GNAI1: variants seen among roughly 807,000 people sequenced by gnomAD.
The protein encoded by GNAI1 is guanine nucleotide-binding protein G(i) subunit alpha-1.
Under a neutral mutation model 38.9 loss-of-function variants are expected in GNAI1, and 11 were observed. The ratio of observed to expected loss-of-function variants is 0.28; its 90% CI spans 0.18 to 0.47. The LOEUF is 0.47. Among genes scored for constraint, GNAI1 ranks in the 20% least tolerant of loss-of-function variants. The pLI is 0.99. For missense variants in GNAI1, 317 were observed against 436.9 expected (o/e 0.73, Z 2.45); for synonymous variants, 166 against 145.1 (o/e 1.14, Z -1.04).
rs1789018790 is a variant in GNAI1, at chr7:80,218,703, A to T, written c.*1210A>T. 6.6e-6 allele frequency: 1 copy of T among 152,124 alleles called. No individual in the cohort carries two copies. Among genetic ancestry groups the T allele is most frequent in the Non-Finnish European group, 1.5e-5 (1 of 67,998 alleles). The allele number at this position is 152,124 out of a possible 1,614,324, so 9.4% of individuals were successfully genotyped here. A position where few individuals can be genotyped will look rare whatever the true frequency, so the allele number is the denominator to read the frequency against. On this transcript the variant is annotated 3_prime_UTR_variant, in exon 8 of 8. Coordinates refer to ENST00000649796, the MANE Select transcript of GNAI1 (RefSeq NM_002069.6). ...CAAATTTCTCCACTTGCTTGAGATTATATCATTTCTTTTTCAATTATACTA... is the reference window on the plus strand; with the variant it reads ...CAAATTTCTCCACTTGCTTGAGATTTTATCATTTCTTTTTCAATTATACTA...
intron 1 of GNAI1, among the ~76,000 whole-genome samples, chr7:80,162,766 C>A (rs1787946670): frequency 6.6e-6 from 1 of 152,126 alleles, no homozygotes; most frequent in Non-Finnish European, 1.5e-5. Flanking sequence ...TTCAGCCACA[C>A]ACTGGGATTT....
rs1293036197 is a variant in GNAI1 at position 80,143,959 on chromosome 7, TG to T, written c.118+8682del. Among the ~76,000 whole-genome samples, 23 of 152,008 alleles carry T rather than the reference TG, an allele frequency of 1.5e-4. No individual in the cohort carries two copies. In the South Asian group the frequency reaches 4.2e-3, roughly 27 times the overall value. On this transcript the variant is annotated intron_variant, in intron 1 of 7. Coordinates refer to ENST00000649796, the MANE Select transcript of GNAI1 (RefSeq NM_002069.6). ...GTATCTATATGTGTGCATATATGTG[TG>T]TGTGTGTATATATATAGTGAAGACT...
intron 1 of GNAI1, among the ~76,000 whole-genome samples, chr7:80,138,739 C>CAGTA (rs1463405361): frequency 6.6e-6 from 1 of 152,108 alleles, no homozygotes; most frequent in Non-Finnish European, 1.5e-5. Context: ...AAGCTTTGAG[C>CAGTA]AGTATTCTCA....
At chr7:80,167,614 G>A (rs1392885089) in intron 1 of GNAI1, among the ~76,000 whole-genome samples, 5 of 152,096 alleles carry the variant, frequency 3.3e-5, no homozygotes, top group Non-Finnish European at 5.9e-5. Context: ...AATTTATCCC[G>A]TTTTTCAGTA....
chr7:80,190,563 G>T (rs1381359710), intron 3 of GNAI1, among the ~76,000 whole-genome samples: 1 of 152,042 alleles, frequency 6.6e-6, no homozygotes, highest in Non-Finnish European at 1.5e-5. Flanking sequence ...TGAAAATAAT[G>T]TTGAAATCTA....
chr7:80,176,089 A>G (rs1423029696), intron 1 of GNAI1, among the ~76,000 whole-genome samples: 4 of 152,238 alleles, frequency 2.6e-5, no homozygotes, highest in Admixed American at 2.6e-4. Flanking sequence ...TTGTGAATGT[A>G]AAGGAAAAGT....
intron 1 of GNAI1, among the ~76,000 whole-genome samples, chr7:80,153,034 CTTTTATA>C (rs978800334): frequency 2.2e-4 from 33 of 152,166 alleles, no homozygotes; most frequent in African/African-American, 7.0e-4. Flanking sequence ...AGAATGTAGA[CTTTTATA>C]TTTTAGAAAG....
Position 80,223,126 on chromosome 7 carries a change from A to G in GNAI1, c.*5633A>G, listed in dbSNP as rs1307919200. 6.6e-6 allele frequency among the ~76,000 whole-genome samples: 1 copy of G among 152,192 alleles called. No homozygotes were observed. The highest frequency in any genetic ancestry group is 1.9e-4 in the East Asian group (1 of 5,188). ...CCAGTTTCGCACCAATGTAAAGTTGAAAAATTGTTAAGTTGGACCATCATA... is the reference window on the plus strand; with the variant it reads ...CCAGTTTCGCACCAATGTAAAGTTGGAAAATTGTTAAGTTGGACCATCATA... On this transcript the variant is annotated 3_prime_UTR_variant, in exon 8 of 8. Transcript: ENST00000649796.
At position 80,212,760 on chromosome 7, in the gene GNAI1, C is replaced by T; in HGVS notation, c.765C>T (p.Asn255=). The change falls in exon 7 of 8, where the codon AAC becomes AAT. Residue 255 remains asparagine (N), a synonymous_variant. Transcript: ENST00000649796. The stretch of plus-strand genomic sequence containing the variant: ...TGAAATTGTTTGACAGCATATGTAA[C>T]AACAAGTGGTTTACAGATACATCCA... ...ESMKLFDSIC[N]NKWFTDTSII... 1 of 1,563,148 alleles carries T rather than the reference C, an allele frequency of 6.4e-7. No individual in the cohort carries two copies.
At position 80,221,649 on chromosome 7, in the gene GNAI1, T is replaced by A. The variant is rs78663043; in HGVS notation, c.*4156T>A. ...GTTGGAAATTTTCTTTTTTTTTTTT[T>A]TTTTTTTTTTTTGGTATGGAGTCTT... On this transcript the variant is annotated 3_prime_UTR_variant, in exon 8 of 8. Coordinates refer to ENST00000649796, the MANE Select transcript of GNAI1 (RefSeq NM_002069.6). Among the ~76,000 whole-genome samples, 96 of 141,932 alleles carry A rather than the reference T, an allele frequency of 6.8e-4. 1 individual carries two copies. The highest frequency in any genetic ancestry group is 2.0e-3 in the African/African-American group (78 of 38,284). The allele number at this position is 141,932 out of a possible 152,430, so 93.1% of individuals were successfully genotyped here. A position where few individuals can be genotyped will look rare whatever the true frequency, so the allele number is the denominator to read the frequency against.
chr7:80,135,514 C>T (rs529894804), intron 1 of GNAI1: 2 of 400,902 alleles, frequency 5.0e-6, no homozygotes, highest in Admixed American at 4.5e-5. Flanking sequence ...TCACTTCACT[C>T]GGATGCTTTC....
intron 1 of GNAI1, among the ~76,000 whole-genome samples, chr7:80,155,672 T>G (rs760330000): frequency 1.2e-4 from 18 of 152,078 alleles, no homozygotes; most frequent in Non-Finnish European, 2.2e-4. Flanking sequence ...TTTGAAATTT[T>G]AAGTAGCAAT....
chr7:80,192,537 T>C (rs1788499764), intron 3 of GNAI1, among the ~76,000 whole-genome samples: 1 of 152,154 alleles, frequency 6.6e-6, no homozygotes, highest in Non-Finnish European at 1.5e-5. Context: ...CTATTCAACC[T>C]CCCTAAGCTT....
chr7:80,217,414 C>G lies in GNAI1; in HGVS notation c.986C>G (p.Thr329Ser). 1 of 1,608,262 alleles carries G rather than the reference C, an allele frequency of 6.2e-7. No individual in the cohort carries two copies. Among genetic ancestry groups the G allele is most frequent in the Non-Finnish European group, 8.5e-7 (1 of 1,175,554 alleles). The change falls in exon 8 of 8, where the codon ACT becomes AGT. Residue 329 changes from threonine to serine, a missense_variant. Physicochemically the swap from Thr to Ser is moderately conservative, Grantham distance 58. This residue lies in a region of GNAI1 where 15 missense variants were observed against 36.6 expected (regional missense o/e 0.41). Transcript: ENST00000649796. The part of the protein sequence containing the change: ...IYTHFTCATD[T>S]KNVQFVFDAV... Reference sequence around the variant, plus strand: ...ACCCACTTCACATGTGCCACAGATACTAAGAATGTGCAGTTTGTTTTTGAT... The same window carrying G: ...ACCCACTTCACATGTGCCACAGATAGTAAGAATGTGCAGTTTGTTTTTGAT...
chr7:80,199,375 G>A lies in GNAI1; in HGVS notation c.454G>A (p.Ala152Thr). ...CCGAGAGTACCAGCTTAATGATTCTGCAGCATAGTAAGTAATCATAACTTC... is the reference window on the plus strand; with the variant it reads ...CCGAGAGTACCAGCTTAATGATTCTACAGCATAGTAAGTAATCATAACTTC... ...RSREYQLNDS[A>T]AYYLNDLDRI... The change falls in exon 4 of 8, where the codon GCA (alanine) becomes ACA (threonine). Residue 152 changes from alanine (A) to threonine (T), a missense_variant. Transcript: ENST00000649796. The A allele has an allele frequency of 1.9e-6, 3 of 1,597,774 alleles. No homozygotes were observed. The highest frequency in any genetic ancestry group is 2.6e-6 in the Non-Finnish European group (3 of 1,170,362).
intron 1 of GNAI1, among the ~76,000 whole-genome samples, chr7:80,161,664 G>C (rs1787925972): frequency 6.6e-6 from 1 of 152,188 alleles, no homozygotes; most frequent in Non-Finnish European, 1.5e-5. Context: ...GTGTTAGCCT[G>C]TAATGTTATC....
At chr7:80,197,592 A>G (rs961652802) in intron 3 of GNAI1, among the ~76,000 whole-genome samples, 1 of 152,078 alleles carries the variant, frequency 6.6e-6, no homozygotes, top group Non-Finnish European at 1.5e-5. Context: ...TGTATAGGTA[A>G]TAATTTGGAT....
intron 1 of GNAI1, among the ~76,000 whole-genome samples, chr7:80,173,987 G>C (rs1788140176): frequency 6.6e-6 from 1 of 152,240 alleles, no homozygotes; most frequent in South Asian, 2.1e-4. Flanking sequence ...TTGATAAGGG[G>C]CCCAACTTGG....
chr7:80,204,841 G>C (rs10240914), intron 5 of GNAI1, among the ~76,000 whole-genome samples: 1 of 152,200 alleles, frequency 6.6e-6, no homozygotes, highest in Admixed American at 6.5e-5. Flanking sequence ...ATAACATCAC[G>C]GGATATTCTA....
Sources: gnomAD v4.1 joint callset for allele counts (sites outside exome capture counted in the v4.1 genomes callset) on GRCh38, gnomAD v4.1.1 for gene constraint, gnomAD v4.1.1 regional missense constraint, MANE v1.5 for transcripts, NCBI Gene and HGNC (gene_info 2026-07-23, HGNC 2026-07-21) for gene names.